KAZN: variants seen among roughly 807,000 people sequenced by gnomAD.
KAZN encodes the protein kazrin, periplakin interacting protein.
In KAZN, 40 loss-of-function variants were observed where a neutral mutation model predicts 87.4. The observed-to-expected ratio is 0.46, with a 90% CI of 0.36 to 0.60. The LOEUF (loss-of-function observed/expected upper bound fraction) is 0.60, where lower values mean the gene tolerates loss of function less well. KAZN is among the 20% of genes least tolerant of loss of function. The pLI, the probability that KAZN is intolerant of heterozygous loss-of-function variation, is 0.00. For synonymous variants in KAZN, 466 were observed against 458.3 expected, an observed-to-expected ratio of 1.02 and a Z score of -0.22; for missense variants, 898 against 1,073.9, an observed-to-expected ratio of 0.84 and a Z score of 2.29.
chr1:14,580,305 A>G lies in KAZN; in HGVS notation c.250-18678A>G, dbSNP rs150104551. 9.2e-3 allele frequency among the ~76,000 whole-genome samples: 1,397 copies of G among 152,214 alleles called. 26 individuals carry two copies. Among genetic ancestry groups the G allele is most frequent in the African/African-American group, 0.031 (1,293 of 41,546 alleles). ...AGCCTGACCAACACGGGGAAACCCC[A>G]TCTCTACTAAAAATACAAAATTAGC... On this transcript the variant is annotated intron_variant, in intron 2 of 16. Transcript: ENST00000636203.
intron 1 of KAZN, among the ~76,000 whole-genome samples, chr1:14,934,057 G>A (rs1205153813): frequency 4.0e-5 from 6 of 150,650 alleles, no homozygotes; most frequent in South Asian, 2.1e-4. Flanking sequence ...GGGTTTCACC[G>A]TGTTATCCAG....
chr1:14,224,574 C>G (rs541516871), intron 2 of KAZN, among the ~76,000 whole-genome samples: 33 of 152,170 alleles, frequency 2.2e-4, no homozygotes, highest in African/African-American at 7.5e-4. Context: ...AAAAGAAGAG[C>G]CCATACAGGT....
intron 1 of KAZN, among the ~76,000 whole-genome samples, chr1:14,730,953 G>A (rs918714701): frequency 3.9e-5 from 6 of 152,106 alleles, no homozygotes; most frequent in Admixed American, 1.3e-4. Context: ...AGATGCTCAG[G>A]CCTCATGGAT....
chr1:14,999,373 T>C (rs566844903), intron 2 of KAZN, among the ~76,000 whole-genome samples: 48 of 152,374 alleles, frequency 3.2e-4, no homozygotes, highest in Admixed American at 1.6e-3. Flanking sequence ...TTGCAGGGCT[T>C]TCTGGAGGAT....
At chr1:14,675,809 G>A (rs1234081380) in intron 1 of KAZN, among the ~76,000 whole-genome samples, 1 of 152,180 alleles carries the variant, frequency 6.6e-6, no homozygotes, top group Non-Finnish European at 1.5e-5. Flanking sequence ...TGGGGGAATA[G>A]CCAAGGTTGT....
chr1:15,110,698 G>A (rs926168762), intron 13 of KAZN, among the ~76,000 whole-genome samples: 10 of 152,238 alleles, frequency 6.6e-5, no homozygotes, highest in South Asian at 4.1e-4. Flanking sequence ...GAGCCCACAC[G>A]TGCGACCACT....
chr1:14,823,274 G>A (rs562338801), intron 1 of KAZN, among the ~76,000 whole-genome samples: 57 of 152,256 alleles, frequency 3.7e-4, no homozygotes, highest in Middle Eastern at 3.4e-3. Context: ...AGACGTCCCC[G>A]TGAAGTCATG....
At position 14,920,447 on chromosome 1, in the gene KAZN, C is replaced by T. The variant is rs1364932582; in HGVS notation, c.227-40237C>T. On this transcript the variant is annotated intron_variant, in intron 1 of 14. Coordinates refer to ENST00000376030, the MANE Select transcript of KAZN (RefSeq NM_201628.3). ...GCCTCTGCTCTTTAAAATGAGTTGCCGGGAGGACTGGATGAGGACACCTCC... is the reference window on the plus strand; with the variant it reads ...GCCTCTGCTCTTTAAAATGAGTTGCTGGGAGGACTGGATGAGGACACCTCC... 3.3e-5 allele frequency among the ~76,000 whole-genome samples: 5 copies of T among 151,730 alleles called. No homozygotes were observed. In the South Asian group the frequency reaches 6.3e-4, roughly 19 times the overall value.
At chr1:14,396,046 T>C (rs967456726) in intron 2 of KAZN, among the ~76,000 whole-genome samples, 6 of 151,474 alleles carry the variant, frequency 4.0e-5, no homozygotes, top group Middle Eastern at 6.9e-3. Flanking sequence ...CGCGCCCCTG[T>C]AATCCCAGCC....
intron 1 of KAZN, among the ~76,000 whole-genome samples, chr1:14,648,606 G>T (rs111227216): frequency 9.7e-4 from 148 of 152,280 alleles, no homozygotes; most frequent in African/African-American, 3.4e-3. Context: ...CCTTGGAGTT[G>T]TAATAAGGAG....
At chr1:14,964,790 G>A (rs1257807826) in intron 2 of KAZN, among the ~76,000 whole-genome samples, 1 of 152,180 alleles carries the variant, frequency 6.6e-6, no homozygotes, top group Non-Finnish European at 1.5e-5. Flanking sequence ...CTTTGTGTTT[G>A]AATGAGACCC....
chr1:14,545,509 G>A (rs890565784), intron 2 of KAZN, among the ~76,000 whole-genome samples: 7 of 152,230 alleles, frequency 4.6e-5, no homozygotes, highest in Admixed American at 2.6e-4. Context: ...TAATTATAGT[G>A]TCCTTTCTAC....
intron 1 of KAZN, among the ~76,000 whole-genome samples, chr1:14,603,298 C>G (rs1677118149): frequency 6.6e-6 from 1 of 152,174 alleles, no homozygotes; most frequent in Non-Finnish European, 1.5e-5. Context: ...CTCGGGCCTT[C>G]TGTTAGCTTG....
chr1:15,049,008 C>G (rs530585565), intron 4 of KAZN, among the ~76,000 whole-genome samples: 10 of 152,366 alleles, frequency 6.6e-5, no homozygotes, highest in African/African-American at 2.2e-4. Context: ...AGCACCCCGT[C>G]TTCATGCGCA....
intron 1 of KAZN, among the ~76,000 whole-genome samples, chr1:14,903,495 T>C (rs555790063): frequency 6.6e-6 from 1 of 152,320 alleles, no homozygotes; most frequent in South Asian, 2.1e-4. Flanking sequence ...CACTTTGCCA[T>C]TGGGCACTCA....
At chr1:14,190,908 C>T (rs1464317426) in intron 2 of KAZN, among the ~76,000 whole-genome samples, 1 of 152,186 alleles carries the variant, frequency 6.6e-6, no homozygotes, top group Admixed American at 6.5e-5. Flanking sequence ...GTAGCAAGAG[C>T]TAGCTGACAC....
chr1:15,048,953 G>C (rs74059804), intron 4 of KAZN, among the ~76,000 whole-genome samples: 2 of 151,348 alleles, frequency 1.3e-5, no homozygotes, highest in Non-Finnish European at 2.9e-5. Context: ...ACATTGTGCA[G>C]CCACCACTGC....
At chr1:14,180,627 A>G in intron 2 of KAZN, 2 of 1,517,726 alleles carry the variant, frequency 1.3e-6, no homozygotes, top group Non-Finnish European at 1.8e-6. Context: ...TCTATGGAGA[A>G]GGTGGAATCT....
At position 14,923,444 on chromosome 1, in the gene KAZN, C is replaced by G. The variant is rs950266456; in HGVS notation, c.227-37240C>G. Among the ~76,000 whole-genome samples, 2 of 152,232 alleles carry G rather than the reference C, an allele frequency of 1.3e-5. No homozygotes were observed. Among genetic ancestry groups the G allele is most frequent in the African/African-American group, 4.8e-5 (2 of 41,468 alleles). On this transcript the variant is annotated intron_variant, in intron 1 of 14. Transcript: ENST00000376030. The surrounding 1 kb of genome is among the most constrained non-coding windows in gnomAD (Gnocchi z 4.2). ...CTACAGGGTTTGCCTGGCCTTGTCA[C>G]TGTTCCCCCACCCACTCCCAGGGTC...
Sources: gnomAD v4.1 joint callset for allele counts (sites outside exome capture counted in the v4.1 genomes callset) on GRCh38, gnomAD v4.1.1 for gene constraint, Gnocchi (gnomAD v3.1) non-coding constraint, MANE v1.5 for transcripts, NCBI Gene and HGNC (gene_info 2026-07-23, HGNC 2026-07-21) for gene names.